Variants in ACBD6 observed in about 807,000 individuals in gnomAD.
ACBD6 encodes the protein acyl-CoA-binding domain-containing protein 6.
ACBD6 carries 28 observed loss-of-function variants against 37.2 expected under a neutral mutation model. The ratio of observed to expected loss-of-function variants is 0.75; its 90% confidence interval spans 0.56 to 1.03. ACBD6 has a LOEUF of 1.03. Among genes scored for constraint, ACBD6 ranks in the 50% least tolerant of loss-of-function variants. The probability of loss-of-function intolerance (pLI) is 0.00; values close to 1 mark genes in which losing one functional copy is unlikely to be tolerated. For missense variants in ACBD6, 340 were observed against 337.4 expected (o/e 1.01, Z -0.06); for synonymous variants, 113 against 126.8 (o/e 0.89, Z 0.73).
chr1:180,456,558 CG>C (rs1401290348), intron 3 of ACBD6, among the ~76,000 whole-genome samples: 1 of 152,090 alleles, frequency 6.6e-6, no homozygotes, highest in Non-Finnish European at 1.5e-5. Flanking sequence ...AAAGTGTAAA[CG>C]TGATAGTTAT....
chr1:180,299,925 C>A (rs1399399930), intron 7 of ACBD6, among the ~76,000 whole-genome samples: 1 of 152,128 alleles, frequency 6.6e-6, no homozygotes, highest in East Asian at 1.9e-4. Flanking sequence ...AAAATATAGG[C>A]ACATAAGGGT....
chr1:180,486,506 GAATA>G (rs1005453398), intron 3 of ACBD6, among the ~76,000 whole-genome samples: 55 of 152,070 alleles, frequency 3.6e-4, no homozygotes, highest in African/African-American at 1.3e-3. Context: ...TCTTGACAAC[GAATA>G]AATAAATAAA....
intron 3 of ACBD6, among the ~76,000 whole-genome samples, chr1:180,477,801 T>C (rs2102066192): frequency 6.6e-6 from 1 of 152,294 alleles, no homozygotes. Flanking sequence ...CTGTTGTATC[T>C]GCAAAAAGCT....
intron 10 of ACBD6, chr1:180,274,426 C>T (rs1457901805): frequency 6.2e-7 from 1 of 1,614,226 alleles, no homozygotes; most frequent in African/African-American, 1.3e-5. Flanking sequence ...ATTTGGGCAT[C>T]ATTGCGCATG....
chr1:180,465,324 A>G (rs879809657), intron 3 of ACBD6, among the ~76,000 whole-genome samples: 4 of 152,192 alleles, frequency 2.6e-5, no homozygotes, highest in Non-Finnish European at 5.9e-5. Context: ...AACAAGCGAA[A>G]AACCACCCCA....
Position 180,307,001 on chromosome 1 carries a change from T to C in ACBD6, c.694+7691A>G, listed in dbSNP as rs372736764. 9.8e-5 allele frequency among the ~76,000 whole-genome samples: 15 copies of C among 152,326 alleles called. No homozygotes were observed. The East Asian group carries it at 1.5e-3, about 16-fold the overall frequency. On this transcript the variant is annotated intron_variant, in intron 7 of 7. Transcript: ENST00000367595. ...CTATACGATCCAGCAGTCCCAATCA[T>C]GGGTATATACCCAAAAGAAAGGAAA...
chr1:180,353,272 T>C (rs1054018834), intron 6 of ACBD6, among the ~76,000 whole-genome samples: 7 of 152,214 alleles, frequency 4.6e-5, no homozygotes, highest in Admixed American at 6.5e-5. Context: ...TTATGTAATG[T>C]AGATAGAAAA....
In ACBD6 at chr1:180,393,103, C is replaced by T. The variant is rs181800862; in HGVS notation, c.663+4413G>A. Among the ~76,000 whole-genome samples, 77 of 152,214 alleles carry T rather than the reference C, an allele frequency of 5.1e-4. 1 individual carries two copies. The East Asian group carries it at 0.011, about 23-fold the overall frequency. ...AGAGAAGGGTGTGTGTGTGTGCGTG[C>T]GCACGCCCGTAAGCCATATCCTAAT... On this transcript the variant is annotated intron_variant, in intron 6 of 7. Transcript: ENST00000367595.
intron 6 of ACBD6, among the ~76,000 whole-genome samples, chr1:180,397,033 G>C (rs1654284871): frequency 6.6e-6 from 1 of 152,110 alleles, no homozygotes; most frequent in Non-Finnish European, 1.5e-5. Context: ...ACTGCCAAAA[G>C]ACAGAAACAA....
chr1:180,376,354 AC>A (rs1653431367), intron 6 of ACBD6, among the ~76,000 whole-genome samples: 1 of 152,230 alleles, frequency 6.6e-6, no homozygotes. Context: ...TACACCTCCA[AC>A]AACATGAAAA....
At chr1:180,417,569 A>G (rs1303758895) in intron 4 of ACBD6, among the ~76,000 whole-genome samples, 2 of 152,222 alleles carry the variant, frequency 1.3e-5, no homozygotes, top group Admixed American at 1.3e-4. Context: ...CTCAGAAAGG[A>G]GGGACCCAGC....
intron 6 of ACBD6, among the ~76,000 whole-genome samples, chr1:180,358,292 TG>T (rs1314213798): frequency 6.6e-6 from 1 of 152,158 alleles, no homozygotes; most frequent in Non-Finnish European, 1.5e-5. Flanking sequence ...CTGGGCATGG[TG>T]GCGCATGCCT....
intron 3 of ACBD6, among the ~76,000 whole-genome samples, chr1:180,432,571 G>A (rs1416492947): frequency 2.6e-5 from 4 of 152,008 alleles, no homozygotes; most frequent in Non-Finnish European, 5.9e-5. Flanking sequence ...ACACCTATTG[G>A]AATGGCTAAA....
chr1:180,333,839 T>C (rs991950578), intron 6 of ACBD6, among the ~76,000 whole-genome samples: 4 of 152,192 alleles, frequency 2.6e-5, no homozygotes, highest in Non-Finnish European at 4.4e-5. Flanking sequence ...TTTCCAATGG[T>C]CTTAGCAAAC....
intron 7 of ACBD6, among the ~76,000 whole-genome samples, chr1:180,296,726 C>T (rs540207181): frequency 6.6e-6 from 1 of 152,148 alleles, no homozygotes; most frequent in South Asian, 2.1e-4. Context: ...CCACCATGTC[C>T]AGCCAACAGA....
intron 9 of ACBD6, among the ~76,000 whole-genome samples, chr1:180,279,430 G>C (rs1282559882): frequency 6.6e-6 from 1 of 152,102 alleles, no homozygotes; most frequent in African/African-American, 2.4e-5. Flanking sequence ...CAGAGTACGT[G>C]GGATTACAGG....
Position 180,388,178 on chromosome 1 carries a change from A to C in ACBD6, c.663+9338T>G, listed in dbSNP as rs1257497541. On this transcript the variant is annotated intron_variant, in intron 6 of 7. Transcript: ENST00000367595. ...GTGACAGAGCGAGACTCCGTCTCAA[A>C]AAAAAAAAAAAAAAGAAAAAGAAAA... is the stretch of plus-strand genomic sequence containing the variant. 4.0e-4 allele frequency among the ~76,000 whole-genome samples: 59 copies of C among 148,798 alleles called. 1 individual carries two copies. Among genetic ancestry groups the C allele is most frequent in the Admixed American group, 6.7e-5 (1 of 14,968 alleles).
chr1:180,306,605 T>C (rs1388174450), intron 7 of ACBD6, among the ~76,000 whole-genome samples: 2 of 152,184 alleles, frequency 1.3e-5, no homozygotes, highest in Admixed American at 6.5e-5. Flanking sequence ...CTCAGTAGCA[T>C]GTGTAAGATT....
At chr1:180,434,945 C>G in intron 3 of ACBD6, 1 of 793,628 alleles carries the variant, frequency 1.3e-6, no homozygotes, top group Non-Finnish European at 2.3e-6. Context: ...TTGAGACCAC[C>G]AAAGTCATGG....
Sources: allele counts gnomAD v4.1 joint callset (sites outside exome capture counted in the v4.1 genomes callset), GRCh38; gene constraint gnomAD v4.1.1; transcripts MANE v1.5; gene names NCBI Gene and HGNC (gene_info 2026-07-23, HGNC 2026-07-21).